The following STAT4 variants were observed in gnomAD, a reference collection of about 807,000 sequenced individuals.
STAT4 encodes signal transducer and activator of transcription 4.
A neutral mutation model predicts 110.5 loss-of-function variants in STAT4; 42 were observed. The ratio of observed to expected loss-of-function variants is 0.38; its 90% CI spans 0.30 to 0.49. The LOEUF is 0.49. STAT4 is among the 20% of genes least tolerant of loss of function. The pLI, the probability that STAT4 is intolerant of heterozygous loss-of-function variation, is 0.95. For synonymous variants in STAT4, 284 were observed against 302.2 expected (o/e 0.94, Z 0.63); for missense variants, 632 against 887.9 (o/e 0.71, Z 3.66).
Position 191,144,933 on chromosome 2 carries a change from T to C in STAT4, c.273+1680A>G, listed in dbSNP as rs1333857669. Among the ~76,000 whole-genome samples the C allele has an allele frequency of 2.7e-5, 4 of 148,580 alleles. No individual in the cohort carries two copies. Among genetic ancestry groups the C allele is most frequent in the Non-Finnish European group, 5.9e-5 (4 of 68,022 alleles). ...CTCAAAGCCACATTTGAGAGTCAGA[T>C]TTTTAACCCAGACCTTCTTGGTTCC... On this transcript the variant is annotated intron_variant, in intron 3 of 23. Transcript: ENST00000392320. The surrounding 1 kb of genome is among the most constrained non-coding windows in gnomAD (Gnocchi z 4.7).
Position 191,144,735 on chromosome 2 carries a change from C to G in STAT4, c.273+1878G>C, listed in dbSNP as rs1287017501. Among the ~76,000 whole-genome samples the G allele has an allele frequency of 6.6e-6, 1 of 152,100 alleles. No individual in the cohort carries two copies. The highest frequency in any genetic ancestry group is 2.4e-5 in the African/African-American group (1 of 41,410). On this transcript the variant is annotated intron_variant, in intron 3 of 23. Coordinates refer to ENST00000392320, the MANE Select transcript of STAT4 (RefSeq NM_003151.4). The surrounding 1 kb of genome is among the most constrained non-coding windows in gnomAD (Gnocchi z 4.7). Reference sequence around the variant, plus strand: ...CAAAAGATGGGTTGTTTTCTTACCCCTGATTTACACTGAGAAAATCCTGCT... The same window carrying G: ...CAAAAGATGGGTTGTTTTCTTACCCGTGATTTACACTGAGAAAATCCTGCT...
rs534516788 is a variant in STAT4 at position 191,061,158 on chromosome 2, G to A, written c.1034+571C>T. On this transcript the variant is annotated intron_variant, in intron 10 of 23. Transcript: ENST00000392320. This position sits in a 1 kb window ranked among gnomAD's most constrained non-coding sequence, Gnocchi z 6.2. ...AAAGCAACAATAACACAAAAGTTAT[G>A]TCTTTAAATCAGGTACACAATAGGG... is the stretch of plus-strand genomic sequence containing the variant. 1.1e-4 allele frequency among the ~76,000 whole-genome samples: 16 copies of A among 152,308 alleles called. No individual in the cohort carries two copies. The highest frequency in any genetic ancestry group is 1.8e-4 in the Non-Finnish European group (12 of 68,010).
At position 191,039,743 on chromosome 2, in the gene STAT4, G is replaced by A. The variant is rs1468159275; in HGVS notation, c.1336-446C>T. Among the ~76,000 whole-genome samples the A allele has an allele frequency of 1.3e-5, 2 of 152,228 alleles. No homozygotes were observed. Among genetic ancestry groups the A allele is most frequent in the Non-Finnish European group, 2.9e-5 (2 of 68,048 alleles). On this transcript the variant is annotated intron_variant, in intron 15 of 23. Coordinates refer to ENST00000392320, the MANE Select transcript of STAT4 (RefSeq NM_003151.4). The surrounding 1 kb of genome is among the most constrained non-coding windows in gnomAD (Gnocchi z 4.7). ...CACCTAATTAACATAAACACTGGAA[G>A]TGGGAGGTTTCTATTGTAAAAATAG...
intron 3 of STAT4, among the ~76,000 whole-genome samples, chr2:191,101,426 C>G (rs72914816): frequency 0.017 from 2,600 of 152,194 alleles, 42 homozygotes; most frequent in Non-Finnish European, 0.027. Context: ...TGTTCGACAA[C>G]ACTATTTTAT....
chr2:191,075,841 T>TTC (rs1210976600), intron 4 of STAT4, among the ~76,000 whole-genome samples: 3 of 143,910 alleles, frequency 2.1e-5, no homozygotes, highest in African/African-American at 8.1e-5. Context: ...TTCTTTCTTT[T>TTC]TTTTTTTTTT....
intron 3 of STAT4, among the ~76,000 whole-genome samples, chr2:191,095,577 C>T (rs183904004): frequency 9.9e-5 from 15 of 152,260 alleles, no homozygotes; most frequent in Non-Finnish European, 1.3e-4. Context: ...AGAACAAAGA[C>T]ACAACATACC....
rs549300316 is a variant in STAT4, at chr2:191,086,532, G to A, written c.274-10207C>T. Among the ~76,000 whole-genome samples the A allele has an allele frequency of 3.9e-5, 6 of 152,208 alleles. No homozygotes were observed. Among genetic ancestry groups the A allele is most frequent in the African/African-American group, 1.4e-4 (6 of 41,544 alleles). ...AAGTATAATTAAACTAAAACTTACT[G>A]TGCAAATAAATTACTCCTGCTATGA... On this transcript the variant is annotated intron_variant, in intron 3 of 23. Coordinates refer to ENST00000392320, the MANE Select transcript of STAT4 (RefSeq NM_003151.4). This position sits in a 1 kb window ranked among gnomAD's most constrained non-coding sequence, Gnocchi z 5.5.
At chr2:191,093,260 C>A (rs1025382585) in intron 3 of STAT4, among the ~76,000 whole-genome samples, 2 of 152,184 alleles carry the variant, frequency 1.3e-5, no homozygotes, top group African/African-American at 4.8e-5. Flanking sequence ...GATCCCTGAC[C>A]CCTGTGTAGC....
rs756625937 is a variant in STAT4, at chr2:191,144,440, C to T, written c.273+2173G>A. Reference sequence around the variant, plus strand: ...CTGAGTCATTCAAGAGTGTGTGTGACGTGTTCAGGAACAAGTAGTAGATCT... The same window carrying T: ...CTGAGTCATTCAAGAGTGTGTGTGATGTGTTCAGGAACAAGTAGTAGATCT... On this transcript the variant is annotated intron_variant, in intron 3 of 23. Transcript: ENST00000392320. This position sits in a 1 kb window ranked among gnomAD's most constrained non-coding sequence, Gnocchi z 4.7. Among the ~76,000 whole-genome samples, 9 of 152,022 alleles carry T rather than the reference C, an allele frequency of 5.9e-5. No homozygotes were observed. The highest frequency in any genetic ancestry group is 1.9e-4 in the East Asian group (1 of 5,174).
rs1473480583 is a variant in STAT4 at position 191,061,622 on chromosome 2, C to T, written c.1034+107G>A. ...AGAGCTGGGCACACAGCAGATGGTT[C>T]AATAAAGAACAGCTGAATGCAAGCC... On this transcript the variant is annotated intron_variant, in intron 10 of 23. Coordinates refer to ENST00000392320, the MANE Select transcript of STAT4 (RefSeq NM_003151.4). This position sits in a 1 kb window ranked among gnomAD's most constrained non-coding sequence, Gnocchi z 6.2. 9.6e-7 allele frequency: 1 copy of T among 1,046,422 alleles called. No individual in the cohort carries two copies. The highest frequency in any genetic ancestry group is 1.3e-5 in the South Asian group (1 of 76,676). The allele number at this position is 1,046,422 out of a possible 1,614,324, so 64.8% of individuals were successfully genotyped here.
rs994893395 is a variant in STAT4 at position 191,031,207 on chromosome 2, C to T, written c.2112-127G>A. ...TGTGACATTGAGTTATCTAATTCATCATTTCATATCAGAACACTCAACTTA... is the reference window on the plus strand; with the variant it reads ...TGTGACATTGAGTTATCTAATTCATTATTTCATATCAGAACACTCAACTTA... On this transcript the variant is annotated intron_variant, in intron 22 of 23. Transcript: ENST00000392320. This position sits in a 1 kb window ranked among gnomAD's most constrained non-coding sequence, Gnocchi z 4.8. 4.9e-6 allele frequency: 5 copies of T among 1,020,148 alleles called. No individual in the cohort carries two copies. The highest frequency in any genetic ancestry group is 1.6e-5 in the African/African-American group (1 of 62,236). The allele number at this position is 1,020,148 out of a possible 1,614,324, so 63.2% of individuals were successfully genotyped here. A position where few individuals can be genotyped will look rare whatever the true frequency, so the allele number is the denominator to read the frequency against.
rs1696039762 is a variant in STAT4 at position 191,036,188 on chromosome 2, G to A, written c.1546C>T (p.His516Tyr). The A allele has an allele frequency of 6.2e-7, 1 of 1,613,976 alleles. No individual in the cohort carries two copies. Among genetic ancestry groups the A allele is most frequent in the Non-Finnish European group, 8.5e-7 (1 of 1,180,014 alleles). ...VGRGLNSDQLHMLAEKLTVQS... is the reference protein window; with the variant it reads ...VGRGLNSDQLYMLAEKLTVQS... ...CCTGTAAGCTTCTCTGCCAGCATAT[G>A]GAGTTGATCTGAGTTAAGACCACGA... is the stretch of plus-strand genomic sequence containing the variant. Residue 516 changes from histidine to tyrosine, a missense_variant, in exon 17 of 24, where the codon CAT becomes TAT. Coordinates refer to ENST00000392320, the MANE Select transcript of STAT4 (RefSeq NM_003151.4).
chr2:191,069,840 G>T lies in STAT4; in HGVS notation c.466-69C>A, dbSNP rs527998911. 18 of 1,323,808 alleles carry T rather than the reference G, an allele frequency of 1.4e-5. No homozygotes were observed. In the East Asian group the frequency reaches 4.3e-4, roughly 31 times the overall value. The allele number at this position is 1,323,808 out of a possible 1,614,324, so 82.0% of individuals were successfully genotyped here. ...GCATGTCAATCAAACAACATCATAA[G>T]TATTTTAAAAAACTGCTTGGTGCTT... On this transcript the variant is annotated intron_variant, in intron 5 of 23. Transcript: ENST00000392320.
At position 191,053,643 on chromosome 2, in the gene STAT4, G is replaced by GT. The variant is rs921980202; in HGVS notation, c.1251+846dup. Among the ~76,000 whole-genome samples, 1 of 152,146 alleles carries GT rather than the reference G, an allele frequency of 6.6e-6. No homozygotes were observed. Among genetic ancestry groups the GT allele is most frequent in the African/African-American group, 2.4e-5 (1 of 41,418 alleles). ...ATTGATATCTCAAAATAATAGGGTT[G>GT]TTTTTTACCCCACATATCATAATTT... On this transcript the variant is annotated intron_variant, in intron 14 of 23. Transcript: ENST00000392320. The surrounding 1 kb of genome is among the most constrained non-coding windows in gnomAD (Gnocchi z 4.5).
In STAT4 at chr2:191,059,587, T is replaced by C. The variant is rs1043332149; in HGVS notation, c.1035-818A>G. Among the ~76,000 whole-genome samples, 28 of 152,188 alleles carry C rather than the reference T, an allele frequency of 1.8e-4. No homozygotes were observed. Among genetic ancestry groups the C allele is most frequent in the African/African-American group, 6.5e-4 (27 of 41,442 alleles). ...ACACCCTTAGGTACTAGAGAACTGA[T>C]GTAGCAAAGACTGCAGAAGGGAGAA... On this transcript the variant is annotated intron_variant, in intron 10 of 23. Transcript: ENST00000392320. This position sits in a 1 kb window ranked among gnomAD's most constrained non-coding sequence, Gnocchi z 4.7.
At chr2:191,095,749 G>C (rs1256418650) in intron 3 of STAT4, among the ~76,000 whole-genome samples, 1 of 152,108 alleles carries the variant, frequency 6.6e-6, no homozygotes, top group Non-Finnish European at 1.5e-5. Flanking sequence ...CAGAAGGCAA[G>C]AAATAACTAA....
intron 3 of STAT4, among the ~76,000 whole-genome samples, chr2:191,100,537 C>T (rs1010028530): frequency 2.0e-5 from 3 of 152,120 alleles, no homozygotes; most frequent in East Asian, 1.9e-4. Context: ...GGAAAAGATG[C>T]TAACACCTAC....
intron 6 of STAT4, among the ~76,000 whole-genome samples, 181 bp downstream of exon 6, chr2:191,069,512 C>T (rs542469208): frequency 6.6e-6 from 1 of 152,056 alleles, no homozygotes; most frequent in South Asian, 2.1e-4. Flanking sequence ...CAGTTAAACA[C>T]GCACACACAG....
intron 3 of STAT4, among the ~76,000 whole-genome samples, chr2:191,079,447 C>T (rs559346285): frequency 2.0e-5 from 3 of 151,890 alleles, no homozygotes; most frequent in Middle Eastern, 6.8e-3. Flanking sequence ...GAATAAATAT[C>T]TTTTTCCTCA....
Sources: allele counts gnomAD v4.1 joint callset (sites outside exome capture counted in the v4.1 genomes callset), GRCh38; gene constraint gnomAD v4.1.1; non-coding constraint Gnocchi (gnomAD v3.1); transcripts MANE v1.5; gene names NCBI Gene and HGNC (gene_info 2026-07-23, HGNC 2026-07-21).